The following MACROD2 variants were observed in gnomAD, a reference collection of about 807,000 sequenced individuals.
The protein encoded by MACROD2 is mono-ADP ribosylhydrolase 2.
Under a neutral mutation model 70.4 loss-of-function variants are expected in MACROD2, and 36 were observed. That is an observed-to-expected ratio of 0.51 (90% CI 0.39 to 0.68). The LOEUF (loss-of-function observed/expected upper bound fraction) is 0.68, where lower values mean the gene tolerates loss of function less well. Among genes scored for constraint, MACROD2 ranks in the 30% least tolerant of loss-of-function variants. The pLI is 0.00. For missense variants in MACROD2, 496 were observed against 538.4 expected, an observed-to-expected ratio of 0.92 and a Z score of 0.78; for synonymous variants, 172 against 178.8, an observed-to-expected ratio of 0.96 and a Z score of 0.30.
At chr20:15,164,289 G>A (rs572587651) in intron 5 of MACROD2, among the ~76,000 whole-genome samples, 2 of 151,974 alleles carry the variant, frequency 1.3e-5, no homozygotes, top group African/African-American at 4.8e-5. Flanking sequence ...ATCTAGAGAC[G>A]ATTTAAAGTA....
At chr20:14,862,848 T>C (rs776391290) in intron 5 of MACROD2, among the ~76,000 whole-genome samples, 7 of 148,316 alleles carry the variant, frequency 4.7e-5, no homozygotes, top group Non-Finnish European at 8.9e-5. Context: ...AGAAGTTGAG[T>C]TGGCATACCT....
intron 5 of MACROD2, among the ~76,000 whole-genome samples, chr20:14,857,269 A>G (rs1374830929): frequency 1.3e-5 from 2 of 152,140 alleles, no homozygotes; most frequent in African/African-American, 4.8e-5. Context: ...TCCCACTTAT[A>G]TCTCCTGCTC....
chr20:14,955,263 T>A (rs945473552), intron 5 of MACROD2, among the ~76,000 whole-genome samples: 44 of 138,506 alleles, frequency 3.2e-4, no homozygotes, highest in Non-Finnish European at 6.1e-4. Context: ...TATAATATAA[T>A]ATAATTTTTA....
chr20:15,642,686 A>G (rs543490356), intron 8 of MACROD2, among the ~76,000 whole-genome samples: 7 of 152,028 alleles, frequency 4.6e-5, no homozygotes, highest in Non-Finnish European at 1.0e-4. Flanking sequence ...ATAAATAAAA[A>G]TAATCTTTTC....
intron 13 of MACROD2, among the ~76,000 whole-genome samples, chr20:15,972,098 A>C (rs932494119): frequency 6.6e-6 from 1 of 152,176 alleles, no homozygotes; most frequent in Non-Finnish European, 1.5e-5. Context: ...ACTTGATGAG[A>C]ACAGTGGCAG....
chr20:14,464,666 G>A (rs2084418199), intron 3 of MACROD2, among the ~76,000 whole-genome samples: 1 of 151,782 alleles, frequency 6.6e-6, no homozygotes, highest in East Asian at 1.9e-4. Flanking sequence ...TCTCTTGTGG[G>A]CGTTTAGTGC....
chr20:14,665,526 A>AT (rs910251143), intron 4 of MACROD2, among the ~76,000 whole-genome samples: 154 of 148,920 alleles, frequency 1.0e-3, no homozygotes, highest in African/African-American at 3.2e-3. Flanking sequence ...AATTGGTTGT[A>AT]TTTTTTTTTT....
chr20:15,050,947 G>T (rs114652858), intron 5 of MACROD2, among the ~76,000 whole-genome samples: 4,011 of 152,200 alleles, frequency 0.026, 202 homozygotes, highest in African/African-American at 0.092. Flanking sequence ...ATTATAAAAT[G>T]TAAAATTATG....
intron 3 of MACROD2, among the ~76,000 whole-genome samples, chr20:14,465,503 G>A (rs149184494): frequency 6.6e-6 from 1 of 151,956 alleles, no homozygotes; most frequent in African/African-American, 2.4e-5. Context: ...CCAGTCTGTG[G>A]CTTTTAATTG....
At chr20:15,003,462 A>G (rs987293303) in intron 5 of MACROD2, among the ~76,000 whole-genome samples, 24 of 152,218 alleles carry the variant, frequency 1.6e-4, no homozygotes, top group African/African-American at 5.8e-4. Flanking sequence ...ATTTGTTATT[A>G]AACAGATCAT....
intron 8 of MACROD2, among the ~76,000 whole-genome samples, chr20:15,529,415 C>A (rs565322484): frequency 1.3e-5 from 2 of 151,712 alleles, no homozygotes; most frequent in Admixed American, 1.3e-4. Context: ...TGAACCTATA[C>A]TATATATATA....
chr20:15,768,825 T>C (rs1205883852), intron 8 of MACROD2, among the ~76,000 whole-genome samples: 5 of 152,216 alleles, frequency 3.3e-5, no homozygotes, highest in Non-Finnish European at 5.9e-5. Flanking sequence ...ATGTATTTAT[T>C]TTCACTTTTC....
chr20:15,553,143 T>C (rs992265932), intron 8 of MACROD2, among the ~76,000 whole-genome samples: 1 of 152,202 alleles, frequency 6.6e-6, no homozygotes, highest in Admixed American at 6.5e-5. Context: ...ATAAATAACA[T>C]GGTAATTTAC....
intron 5 of MACROD2, among the ~76,000 whole-genome samples, chr20:15,048,463 TAA>T (rs34212655): frequency 6.9e-6 from 1 of 145,748 alleles, no homozygotes. Flanking sequence ...TACTTTTCTG[TAA>T]AAAAAAAAAA....
intron 5 of MACROD2, chr20:15,197,171 T>A: frequency 3.5e-6 from 1 of 286,996 alleles, no homozygotes; most frequent in Middle Eastern, 1.8e-3. Flanking sequence ...TAATCTTTTC[T>A]TCATTTAGTT....
intron 3 of MACROD2, among the ~76,000 whole-genome samples, chr20:14,185,620 TATAAA>T (rs2081338313): frequency 6.6e-6 from 1 of 152,028 alleles, no homozygotes; most frequent in Admixed American, 6.6e-5. Flanking sequence ...AAATATAAAA[TATAAA>T]GTAAAATAAT....
At chr20:15,022,152 A>G (rs1443579807) in intron 5 of MACROD2, among the ~76,000 whole-genome samples, 1 of 152,196 alleles carries the variant, frequency 6.6e-6, no homozygotes, top group Non-Finnish European at 1.5e-5. Flanking sequence ...GTAAAGAATT[A>G]CCTTGAATAT....
At chr20:15,936,122 G>GC (rs886798452) in intron 11 of MACROD2, among the ~76,000 whole-genome samples, 2 of 151,514 alleles carry the variant, frequency 1.3e-5, no homozygotes, top group Non-Finnish European at 2.9e-5. Flanking sequence ...CCCCGACCCT[G>GC]CTACTACATA....
At chr20:15,479,184 C>G (rs1409931779) in intron 7 of MACROD2, among the ~76,000 whole-genome samples, 1 of 152,046 alleles carries the variant, frequency 6.6e-6, no homozygotes, top group African/African-American at 2.4e-5. Flanking sequence ...GTGAGGAACA[C>G]CAGCATGGCC....
Sources: gnomAD v4.1 joint callset for allele counts (sites outside exome capture counted in the v4.1 genomes callset) on GRCh38, gnomAD v4.1.1 for gene constraint, MANE v1.5 for transcripts, NCBI Gene and HGNC (gene_info 2026-07-23, HGNC 2026-07-21) for gene names.